The following EZH1 variants were observed in gnomAD, a reference collection of about 807,000 sequenced individuals.
EZH1 encodes the protein histone-lysine N-methyltransferase EZH1.
Under a neutral mutation model 100.5 loss-of-function variants are expected in EZH1, and 33 were observed. That is an observed-to-expected ratio of 0.33 (90% CI 0.25 to 0.44). EZH1 has a LOEUF of 0.44. EZH1 is among the 20% of genes least tolerant of loss of function. The probability of loss-of-function intolerance (pLI) is 1.00; values close to 1 mark genes in which losing one functional copy is unlikely to be tolerated. For missense variants in EZH1, 475 were observed against 928.4 expected, an observed-to-expected ratio of 0.51 and a Z score of 6.35; for synonymous variants, 272 against 313.8, an observed-to-expected ratio of 0.87 and a Z score of 1.41.
intron 20 of EZH1, 31 bp from the exon 21 acceptor site, chr17:42,702,623 T>C: frequency 6.4e-7 from 1 of 1,552,324 alleles, no homozygotes; most frequent in Non-Finnish European, 8.7e-7. Flanking sequence ...GGAACCAGGT[T>C]ACTCTCATGA....
intron 11 of EZH1, 137 bp downstream of exon 11, chr17:42,713,072 A>C: frequency 1.6e-6 from 1 of 618,398 alleles, no homozygotes; most frequent in Non-Finnish European, 2.6e-6. Flanking sequence ...AATATTCCCC[A>C]TCTTTACTGT....
At chr17:42,743,262 C>T (rs1172063489) in intron 1 of EZH1, among the ~76,000 whole-genome samples, 1 of 151,610 alleles carries the variant, frequency 6.6e-6, no homozygotes, top group Non-Finnish European at 1.5e-5. Context: ...CCTCCACCTC[C>T]CGGTTCAAGC....
rs1597867361 is a variant in EZH1 at position 42,736,889 on chromosome 17, C to T, written c.-102-5971G>A. Reference sequence around the variant, plus strand: ...GTAATAATAAAATGAAACCACCATACTAAGTGAAAAAAATAAGACGCAAAT... The same window carrying T: ...GTAATAATAAAATGAAACCACCATATTAAGTGAAAAAAATAAGACGCAAAT... On this transcript the variant is annotated intron_variant, in intron 1 of 20. Transcript: ENST00000428826. 3.3e-5 allele frequency among the ~76,000 whole-genome samples: 5 copies of T among 151,796 alleles called. No individual in the cohort carries two copies. The South Asian group carries it at 1.0e-3, about 32-fold the overall frequency.
In EZH1 at chr17:42,700,535, G is replaced by A. The variant is rs1262052161; in HGVS notation, c.*1997C>T. Reference sequence around the variant, plus strand: ...ACTGACCACAGTGATTCTGCTCACTGAAGGAAGGGTGGGGTCAGTCTAGTC... The same window carrying A: ...ACTGACCACAGTGATTCTGCTCACTAAAGGAAGGGTGGGGTCAGTCTAGTC... On this transcript the variant is annotated 3_prime_UTR_variant, in exon 21 of 21. Coordinates refer to ENST00000428826, the MANE Select transcript of EZH1 (RefSeq NM_001991.5). 1.3e-5 allele frequency: 2 copies of A among 152,422 alleles called. No individual in the cohort carries two copies. Among genetic ancestry groups the A allele is most frequent in the Non-Finnish European group, 2.9e-5 (2 of 68,044 alleles). The allele number at this position is 152,422 out of a possible 1,614,324, so 9.4% of individuals were successfully genotyped here. A position where few individuals can be genotyped will look rare whatever the true frequency, so the allele number is the denominator to read the frequency against.
At chr17:42,713,414 G>T (rs2053528657) in intron 10 of EZH1, 25 bp from the exon 11 acceptor site, 1 of 1,572,218 alleles carries the variant, frequency 6.4e-7, no homozygotes, top group African/African-American at 1.4e-5. Flanking sequence ...TTACAGACAG[G>T]AAATAGGAAC....
chr17:42,735,620 T>A (rs990983986), intron 1 of EZH1, among the ~76,000 whole-genome samples: 1 of 152,192 alleles, frequency 6.6e-6, no homozygotes, highest in Non-Finnish European at 1.5e-5. Flanking sequence ...ACATATGCTG[T>A]TTTGATCAAG....
At chr17:42,732,331 T>C (rs936220215) in intron 1 of EZH1, among the ~76,000 whole-genome samples, 2 of 152,068 alleles carry the variant, frequency 1.3e-5, no homozygotes, top group African/African-American at 4.8e-5. Context: ...GTTGTTTTTG[T>C]TATTTTTTAA....
intron 1 of EZH1, among the ~76,000 whole-genome samples, chr17:42,732,374 T>C (rs2053967454): frequency 6.6e-6 from 1 of 152,208 alleles, no homozygotes; most frequent in Non-Finnish European, 1.5e-5. Flanking sequence ...GGCTTACATC[T>C]GTAATCCCAG....
Position 42,718,662 on chromosome 17 carries a change from C to G in EZH1, c.768-45G>C, listed in dbSNP as rs1329694284. ...TAAGAGTTCCTCCGAGGAACTGCCT[C>G]CACTGAGGAAATACAGATTGGGTAC... is the stretch of plus-strand genomic sequence containing the variant. On this transcript the variant is annotated intron_variant, in intron 8 of 20. Coordinates refer to ENST00000428826, the MANE Select transcript of EZH1 (RefSeq NM_001991.5). The surrounding 1 kb of genome is among the most constrained non-coding windows in gnomAD (Gnocchi z 4.2). The G allele has an allele frequency of 6.3e-7, 1 of 1,599,690 alleles. No homozygotes were observed. Among genetic ancestry groups the G allele is most frequent in the Admixed American group, 1.7e-5 (1 of 59,620 alleles).
chr17:42,729,121 T>TAA, intron 2 of EZH1, 169 bp from the exon 3 acceptor site: 1 of 631,346 alleles, frequency 1.6e-6, no homozygotes, highest in Non-Finnish European at 2.5e-6. Context: ...AGTTTCAATT[T>TAA]AAAAAAAAGA....
At chr17:42,744,937 C>T in intron 1 of EZH1, 74 bp downstream of exon 1, 1 of 1,243,780 alleles carries the variant, frequency 8.0e-7, no homozygotes, top group Non-Finnish European at 1.0e-6. Context: ...CCGCCTCTCC[C>T]TCCCTCAGGC....
At position 42,730,929 on chromosome 17, in the gene EZH1, G is replaced by C. The variant is rs1597858502; in HGVS notation, c.-102-11C>G. On this transcript the variant is annotated splice_polypyrimidine_tract_variant and intron_variant, in intron 1 of 20. Coordinates refer to ENST00000428826, the MANE Select transcript of EZH1 (RefSeq NM_001991.5). ...AGAACAGGTGTCCAGCTTTTCAAAA[G>C]AGAACAGACAGTGGTTCTATTAAGT... The C allele has an allele frequency of 1.0e-6, 1 of 983,872 alleles. No homozygotes were observed. The highest frequency in any genetic ancestry group is 1.2e-6 in the Non-Finnish European group (1 of 828,432). The allele number at this position is 983,872 out of a possible 1,614,324, so 60.9% of individuals were successfully genotyped here. A position where few individuals can be genotyped will look rare whatever the true frequency, so the allele number is the denominator to read the frequency against.
intron 1 of EZH1, among the ~76,000 whole-genome samples, chr17:42,738,804 G>A (rs1024800389): frequency 7.3e-6 from 1 of 136,094 alleles, no homozygotes; most frequent in African/African-American, 2.9e-5. Flanking sequence ...CTGTCACCCA[G>A]GCTGGAGTGC....
intron 10 of EZH1, among the ~76,000 whole-genome samples, chr17:42,715,001 T>C (rs2053569304): frequency 7.2e-6 from 1 of 138,886 alleles, no homozygotes; most frequent in South Asian, 2.1e-4. Context: ...ATATAATTTA[T>C]ATAAATATAA....
chr17:42,740,405 A>T (rs2054155238), intron 1 of EZH1, among the ~76,000 whole-genome samples: 1 of 152,090 alleles, frequency 6.6e-6, no homozygotes, highest in Non-Finnish European at 1.5e-5. Context: ...ACGCCCAGCT[A>T]ATTTTTGCAT....
intron 10 of EZH1, among the ~76,000 whole-genome samples, chr17:42,716,844 G>A (rs768615940): frequency 1.3e-5 from 2 of 151,992 alleles, no homozygotes; most frequent in East Asian, 3.9e-4. Flanking sequence ...GATTACAGGC[G>A]TGCGCCACCA....
chr17:42,728,763 C>T, intron 3 of EZH1, 62 bp downstream of exon 3: 5 of 1,506,154 alleles, frequency 3.3e-6, no homozygotes, highest in Non-Finnish European at 4.5e-6. Flanking sequence ...AAAATTCCAA[C>T]CCCTTTACAC....
rs183388026 is a variant in EZH1 at position 42,706,347 on chromosome 17, C to T, written c.1661-162G>A. ...AATAATCAAATACACAAGTTTTGTCCATAGAAAACTGAGTGCTTCCCAACA... is the reference window on the plus strand; with the variant it reads ...AATAATCAAATACACAAGTTTTGTCTATAGAAAACTGAGTGCTTCCCAACA... On this transcript the variant is annotated intron_variant, in intron 15 of 20. Transcript: ENST00000428826. This position sits in a 1 kb window ranked among gnomAD's most constrained non-coding sequence, Gnocchi z 4.4. 9.2e-5 allele frequency among the ~76,000 whole-genome samples: 14 copies of T among 152,108 alleles called. No homozygotes were observed. In the South Asian group the frequency reaches 2.3e-3, roughly 25 times the overall value.
At position 42,718,952 on chromosome 17, in the gene EZH1, A is replaced by C. The variant is rs1047258557; in HGVS notation, c.767+153T>G. Among the ~76,000 whole-genome samples the C allele has an allele frequency of 1.3e-5, 2 of 152,208 alleles. No individual in the cohort carries two copies. The highest frequency in any genetic ancestry group is 4.8e-5 in the African/African-American group (2 of 41,456). On this transcript the variant is annotated intron_variant, in intron 8 of 20. Coordinates refer to ENST00000428826, the MANE Select transcript of EZH1 (RefSeq NM_001991.5). The surrounding 1 kb of genome is among the most constrained non-coding windows in gnomAD (Gnocchi z 4.2). ...CCTTAATATAGTAAGGGGGGCATTT[A>C]GAGGTAATTGAGTAAGCAAGAAATA...
Sources: gnomAD v4.1 joint callset for allele counts (sites outside exome capture counted in the v4.1 genomes callset) on GRCh38, gnomAD v4.1.1 for gene constraint, Gnocchi (gnomAD v3.1) non-coding constraint, MANE v1.5 for transcripts, NCBI Gene and HGNC (gene_info 2026-07-23, HGNC 2026-07-21) for gene names.